The following CDH18 variants were observed in gnomAD, a reference collection of about 807,000 sequenced individuals.
CDH18 encodes the protein cadherin-18.
CDH18 carries 31 observed loss-of-function variants against 67.9 expected under a neutral mutation model. That is an observed-to-expected ratio of 0.46 (90% confidence interval 0.34 to 0.62). The LOEUF (loss-of-function observed/expected upper bound fraction) is 0.62, where lower values mean the gene tolerates loss of function less well. Ranked by LOEUF, CDH18 falls within the 20% of genes least tolerant of loss-of-function variation. The pLI is 0.01. For synonymous variants in CDH18, 362 were observed against 347.2 expected, an observed-to-expected ratio of 1.04 and a Z score of -0.48; for missense variants, 890 against 975.5, an observed-to-expected ratio of 0.91 and a Z score of 1.17.
intron 1 of CDH18, among the ~76,000 whole-genome samples, chr5:20,423,678 G>A (rs1282324044): frequency 6.6e-6 from 1 of 150,806 alleles, no homozygotes; most frequent in Non-Finnish European, 1.5e-5. Flanking sequence ...GGGCGCGGTG[G>A]CTCATGCCTG....
intron 2 of CDH18, among the ~76,000 whole-genome samples, chr5:19,913,812 T>C (rs11950475): frequency 0.3 from 45,064 of 151,880 alleles, 7,831 homozygotes; most frequent in South Asian, 0.41. Context: ...TACGCCACCA[T>C]TGAGAACTCT....
At chr5:19,789,857 A>C (rs1776179165) in intron 3 of CDH18, among the ~76,000 whole-genome samples, 1 of 150,990 alleles carries the variant, frequency 6.6e-6, no homozygotes, top group Non-Finnish European at 1.5e-5. Flanking sequence ...ACATATATGA[A>C]TAATAAATGA....
At chr5:20,032,268 G>GT (rs1454620135) in intron 2 of CDH18, among the ~76,000 whole-genome samples, 1 of 150,570 alleles carries the variant, frequency 6.6e-6, no homozygotes, top group African/African-American at 2.4e-5. Flanking sequence ...ATAAAACAAA[G>GT]TTTAAAAGAA....
chr5:20,269,987 CA>C (rs1394048786), intron 1 of CDH18, among the ~76,000 whole-genome samples: 2 of 151,704 alleles, frequency 1.3e-5, no homozygotes, highest in Admixed American at 6.6e-5. Flanking sequence ...GCAAGCCTGC[CA>C]AAAAAACATG....
intron 1 of CDH18, among the ~76,000 whole-genome samples, chr5:20,369,979 T>G (rs1742840493): frequency 6.6e-6 from 1 of 152,174 alleles, no homozygotes; most frequent in Non-Finnish European, 1.5e-5. Flanking sequence ...ACCCAGGAAT[T>G]AAGCCCAGCG....
intron 5 of CDH18, among the ~76,000 whole-genome samples, chr5:19,638,981 T>TG (rs1753603906): frequency 1.4e-5 from 1 of 70,426 alleles, no homozygotes; most frequent in Admixed American, 1.4e-4. Context: ...GTTGCTGTTT[T>TG]TTTTTTTTTT....
chr5:20,411,215 A>C (rs1746743038), intron 1 of CDH18, among the ~76,000 whole-genome samples: 1 of 152,024 alleles, frequency 6.6e-6, no homozygotes, highest in Non-Finnish European at 1.5e-5. Flanking sequence ...TATTGCAATG[A>C]TACAGTAAGT....
At chr5:20,196,670 G>A (rs75360706) in intron 2 of CDH18, among the ~76,000 whole-genome samples, 3,620 of 152,158 alleles carry the variant, frequency 0.024, 148 homozygotes, top group African/African-American at 0.081. Context: ...GAATTTGAAC[G>A]GATGCCAATA....
chr5:20,036,941 CT>C (rs898462440), intron 2 of CDH18, among the ~76,000 whole-genome samples: 7 of 150,762 alleles, frequency 4.6e-5, no homozygotes, highest in South Asian at 2.1e-4. Context: ...GCAACCCCTG[CT>C]TTTTTTTTGC....
chr5:20,420,685 T>C (rs1237310227), intron 1 of CDH18, among the ~76,000 whole-genome samples: 1 of 151,294 alleles, frequency 6.6e-6, no homozygotes. Flanking sequence ...CCAAAATTAC[T>C]TTAAATCTCT....
intron 1 of CDH18, among the ~76,000 whole-genome samples, chr5:20,262,916 G>T (rs1449881355): frequency 6.8e-6 from 1 of 147,418 alleles, no homozygotes; most frequent in African/African-American, 2.5e-5. Context: ...AGGAAAGAAA[G>T]AAGGGAGGAA....
chr5:19,654,410 T>C (rs1580716124), intron 5 of CDH18, among the ~76,000 whole-genome samples: 4 of 152,228 alleles, frequency 2.6e-5, no homozygotes, highest in South Asian at 4.1e-4. Context: ...TAAATGCATA[T>C]GTGAACTGGA....
intron 2 of CDH18, among the ~76,000 whole-genome samples, chr5:20,008,705 AG>A (rs1737141265): frequency 6.6e-6 from 1 of 152,160 alleles, no homozygotes; most frequent in Non-Finnish European, 1.5e-5. Flanking sequence ...ATTAAACACA[AG>A]TTTGCTGCCA....
At chr5:20,318,608 C>T (rs550729048) in intron 1 of CDH18, among the ~76,000 whole-genome samples, 2 of 152,224 alleles carry the variant, frequency 1.3e-5, no homozygotes, top group South Asian at 2.1e-4. Flanking sequence ...CTTCCTCCTG[C>T]TCCCATTATG....
intron 5 of CDH18, among the ~76,000 whole-genome samples, chr5:19,679,265 G>A (rs1334149318): frequency 6.6e-6 from 1 of 151,788 alleles, no homozygotes; most frequent in African/African-American, 2.4e-5. Flanking sequence ...CCTTCATGTT[G>A]AAAATTCTCA....
At chr5:20,305,740 C>A (rs1736385501) in intron 1 of CDH18, 2 of 343,794 alleles carry the variant, frequency 5.8e-6, no homozygotes, top group Middle Eastern at 8.8e-4. Context: ...CTGTGGGAAC[C>A]GCGCCGAACA....
At chr5:20,111,339 T>A (rs1430764179) in intron 2 of CDH18, among the ~76,000 whole-genome samples, 1 of 152,096 alleles carries the variant, frequency 6.6e-6, no homozygotes, top group East Asian at 1.9e-4. Flanking sequence ...TCCAATGATT[T>A]GCTGTTGTTG....
intron 5 of CDH18, among the ~76,000 whole-genome samples, chr5:19,709,593 A>G (rs1345805391): frequency 6.6e-6 from 1 of 151,656 alleles, no homozygotes; most frequent in East Asian, 1.9e-4. Flanking sequence ...AAAGAAAGTA[A>G]AGAAGGAAGG....
chr5:19,729,403 C>T (rs1226785522), intron 4 of CDH18, among the ~76,000 whole-genome samples: 1 of 152,132 alleles, frequency 6.6e-6, no homozygotes, highest in African/African-American at 2.4e-5. Flanking sequence ...GAATTCAAGT[C>T]CAGCCCTATC....
Sources: allele counts gnomAD v4.1 joint callset (sites outside exome capture counted in the v4.1 genomes callset), GRCh38; gene constraint gnomAD v4.1.1; transcripts MANE v1.5; gene names NCBI Gene and HGNC (gene_info 2026-07-23, HGNC 2026-07-21).